GPD1L: variants seen among roughly 807,000 people sequenced by gnomAD.
GPD1L encodes glycerol-3-phosphate dehydrogenase 1 like, also known as glycerol-3-phosphate dehydrogenase 1-like protein.
GPD1L carries 17 observed loss-of-function variants against 32.9 expected under a neutral mutation model. The observed-to-expected ratio is 0.52, with a 90% CI of 0.35 to 0.78. The LOEUF (loss-of-function observed/expected upper bound fraction) is 0.78, where lower values mean the gene tolerates loss of function less well. Among genes scored for constraint, GPD1L ranks in the 30% least tolerant of loss-of-function variants. GPD1L has a pLI of 0.01. For missense variants in GPD1L, 361 were observed against 447.8 expected (o/e 0.81, Z 1.75); for synonymous variants, 187 against 165.9 (o/e 1.13, Z -0.98).
intron 1 of GPD1L, among the ~76,000 whole-genome samples, chr3:32,110,505 T>C (rs954562232): frequency 6.6e-6 from 1 of 152,266 alleles, no homozygotes; most frequent in Non-Finnish European, 1.5e-5. Context: ...AACTCTCACA[T>C]GGAGTGCCTC....
chr3:32,148,489 G>A (rs1700864900), intron 5 of GPD1L, among the ~76,000 whole-genome samples: 1 of 152,132 alleles, frequency 6.6e-6, no homozygotes, highest in South Asian at 2.1e-4. Context: ...CTTTTAAAAC[G>A]AGATCAGTTA....
intron 5 of GPD1L, among the ~76,000 whole-genome samples, chr3:32,154,988 A>T (rs891268424): frequency 1.3e-5 from 2 of 152,118 alleles, no homozygotes; most frequent in African/African-American, 2.4e-5. Flanking sequence ...AGCTCAAGCA[A>T]TCCACCCACC....
Position 32,106,821 on chromosome 3 carries a change from A to G in GPD1L, c.47+63A>G. The G allele has an allele frequency of 6.8e-7, 1 of 1,473,468 alleles. No homozygotes were observed. 91.3% of individuals were successfully genotyped at this position (1,473,468 alleles called of 1,614,324 possible). A position where few individuals can be genotyped will look rare whatever the true frequency, so the allele number is the denominator to read the frequency against. On this transcript the variant is annotated intron_variant, in intron 1 of 7. Coordinates refer to ENST00000282541, the MANE Select transcript of GPD1L (RefSeq NM_015141.4). This position sits in a 1 kb window ranked among gnomAD's most constrained non-coding sequence, Gnocchi z 4.0. ...CAGGAAGCGCCTCTCCCGGGCGGTG[A>G]GGGCTGCGCGCCCCATGCTGCGGCG...
chr3:32,138,758 A>G, intron 3 of GPD1L, 31 bp downstream of exon 3: 1 of 1,611,196 alleles, frequency 6.2e-7, no homozygotes, highest in Non-Finnish European at 8.5e-7. Context: ...CCAGGGCTAG[A>G]CATTGGTTAT....
chr3:32,133,975 C>A (rs1700623065), intron 2 of GPD1L, among the ~76,000 whole-genome samples: 1 of 152,192 alleles, frequency 6.6e-6, no homozygotes. Flanking sequence ...TTAAGCAAAC[C>A]AGCCCTGATG....
intron 2 of GPD1L, among the ~76,000 whole-genome samples, chr3:32,134,018 T>A (rs978481415): frequency 1.3e-5 from 2 of 152,234 alleles, no homozygotes; most frequent in Non-Finnish European, 2.9e-5. Context: ...CTACTTGCCA[T>A]TGAAAGGCAA....
Position 32,106,812 on chromosome 3 carries a change from C to CCGGGGGGGGGG in GPD1L, c.47+54_47+55insCGGGGGGGGGG. The CCGGGGGGGGGG allele has an allele frequency of 6.6e-7, 1 of 1,517,086 alleles. No individual in the cohort carries two copies. The allele number at this position is 1,517,086 out of a possible 1,614,324, so 94.0% of individuals were successfully genotyped here. ...CTCCGCTTCCAGGAAGCGCCTCTCC[C>CCGGGGGGGGGG]GGGCGGTGAGGGCTGCGCGCCCCAT... On this transcript the variant is annotated intron_variant, in intron 1 of 7. Transcript: ENST00000282541. This position sits in a 1 kb window ranked among gnomAD's most constrained non-coding sequence, Gnocchi z 4.0.
Position 32,165,928 on chromosome 3 carries a change from G to A in GPD1L, c.*18G>A. 7.5e-7 allele frequency: 1 copy of A among 1,330,076 alleles called. No individual in the cohort carries two copies. Among genetic ancestry groups the A allele is most frequent in the Non-Finnish European group, 1.1e-6 (1 of 920,358 alleles). The allele number at this position is 1,330,076 out of a possible 1,614,324, so 82.4% of individuals were successfully genotyped here. A position where few individuals can be genotyped will look rare whatever the true frequency, so the allele number is the denominator to read the frequency against. On this transcript the variant is annotated 3_prime_UTR_variant, in exon 8 of 8. Transcript: ENST00000282541. ...ATACATAAAGTGAATCATGCAACGTGTTGGGGGAAGTTCTGCCTTTCTGAT... is the reference window on the plus strand; with the variant it reads ...ATACATAAAGTGAATCATGCAACGTATTGGGGGAAGTTCTGCCTTTCTGAT...
intron 2 of GPD1L, among the ~76,000 whole-genome samples, chr3:32,130,744 G>A (rs1184331572): frequency 2.1e-5 from 3 of 145,324 alleles, no homozygotes; most frequent in Non-Finnish European, 4.4e-5. Context: ...CGAGCGCAGT[G>A]GCTCATGCCT....
At chr3:32,150,597 A>G (rs1469977447) in intron 5 of GPD1L, among the ~76,000 whole-genome samples, 5 of 148,216 alleles carry the variant, frequency 3.4e-5, no homozygotes, top group Admixed American at 1.3e-4. Context: ...AGGAATTCTC[A>G]TGCCTCAGCC....
At chr3:32,135,891 T>G (rs981164795) in intron 2 of GPD1L, among the ~76,000 whole-genome samples, 3 of 152,198 alleles carry the variant, frequency 2.0e-5, no homozygotes, top group Non-Finnish European at 4.4e-5. Context: ...TAGCCTAGAT[T>G]ACCAATCTGG....
intron 4 of GPD1L, among the ~76,000 whole-genome samples, chr3:32,144,741 A>G (rs528658960): frequency 4.0e-5 from 6 of 150,308 alleles, no homozygotes; most frequent in African/African-American, 1.5e-4. Context: ...GCTGGAGTGC[A>G]GTGGCGTGAT....
At chr3:32,152,129 C>T (rs1700927731) in intron 5 of GPD1L, among the ~76,000 whole-genome samples, 1 of 152,154 alleles carries the variant, frequency 6.6e-6, no homozygotes, top group Non-Finnish European at 1.5e-5. Context: ...CAAAATGCTC[C>T]AATGACTATT....
intron 2 of GPD1L, among the ~76,000 whole-genome samples, chr3:32,137,412 A>G (rs1419046449): frequency 6.6e-6 from 1 of 152,220 alleles, no homozygotes; most frequent in South Asian, 2.1e-4. Flanking sequence ...CTTCTGCTCT[A>G]AGATGACTGT....
At chr3:32,137,753 A>G (rs79939434) in intron 2 of GPD1L, among the ~76,000 whole-genome samples, 4,493 of 152,270 alleles carry the variant, frequency 0.03, 314 homozygotes, top group East Asian at 0.25. Context: ...CTTCACCCTT[A>G]AGGAAAGAAA....
intron 1 of GPD1L, among the ~76,000 whole-genome samples, chr3:32,111,243 C>G (rs1475046692): frequency 6.6e-6 from 1 of 152,154 alleles, no homozygotes; most frequent in Admixed American, 6.5e-5. Flanking sequence ...GAGTTAAAAC[C>G]TCAGGGCTGT....
intron 2 of GPD1L, among the ~76,000 whole-genome samples, chr3:32,138,353 G>C (rs1700695408): frequency 6.6e-6 from 1 of 152,204 alleles, no homozygotes; most frequent in Admixed American, 6.5e-5. Flanking sequence ...AGATAAGGCA[G>C]TTGAGGGGTG....
chr3:32,108,825 T>G (rs1356125571), intron 1 of GPD1L, among the ~76,000 whole-genome samples: 2 of 152,252 alleles, frequency 1.3e-5, no homozygotes, highest in African/African-American at 2.4e-5. Flanking sequence ...ATTTGGACTT[T>G]CAGCTTGGCT....
At chr3:32,145,248 G>A (rs532615101) in intron 4 of GPD1L, among the ~76,000 whole-genome samples, 3 of 152,222 alleles carry the variant, frequency 2.0e-5, no homozygotes, top group South Asian at 4.1e-4. Flanking sequence ...GAGCTTGGGA[G>A]GTGGAGGTTG....
Sources: allele counts gnomAD v4.1 joint callset (sites outside exome capture counted in the v4.1 genomes callset), GRCh38; gene constraint gnomAD v4.1.1; non-coding constraint Gnocchi (gnomAD v3.1); transcripts MANE v1.5; gene names NCBI Gene and HGNC (gene_info 2026-07-23, HGNC 2026-07-21).